PPIL4: variants seen among roughly 807,000 people sequenced by gnomAD.
PPIL4 encodes peptidyl-prolyl cis-trans isomerase-like 4.
In PPIL4, 50 loss-of-function variants were observed where a neutral mutation model predicts 69.1. That is an observed-to-expected ratio of 0.72 (90% CI 0.58 to 0.92). The LOEUF (loss-of-function observed/expected upper bound fraction) is 0.92. PPIL4 is among the 40% of genes least tolerant of loss of function. The pLI, the probability that PPIL4 is intolerant of heterozygous loss-of-function variation, is 0.00. For synonymous variants in PPIL4, 193 were observed against 191.6 expected (o/e 1.01, Z -0.06); for missense variants, 480 against 587.9 (o/e 0.82, Z 1.90).
chr6:149,522,110 T>C (rs1290966455), intron 9 of PPIL4, among the ~76,000 whole-genome samples: 1 of 152,210 alleles, frequency 6.6e-6, no homozygotes, highest in Non-Finnish European at 1.5e-5. Context: ...TAGAACATCA[T>C]ATGGCATGGT....
intron 12 of PPIL4, among the ~76,000 whole-genome samples, chr6:149,505,992 G>C (rs1384825915): frequency 6.6e-6 from 1 of 152,134 alleles, no homozygotes; most frequent in Non-Finnish European, 1.5e-5. Context: ...CATGTCTCTA[G>C]AGCAATCTGC....
In PPIL4 at chr6:149,533,590, T is replaced by C; in HGVS notation, c.562-16A>G. On this transcript the variant is annotated splice_polypyrimidine_tract_variant and intron_variant, in intron 6 of 12. Coordinates refer to ENST00000253329, the MANE Select transcript of PPIL4 (RefSeq NM_139126.4). Reference sequence around the variant, plus strand: ...TTCGACCACTCTGTTAAGACAGAAGTTACTCATGTATATATTTAAAGAATA... The same window carrying C: ...TTCGACCACTCTGTTAAGACAGAAGCTACTCATGTATATATTTAAAGAATA... 7.1e-7 allele frequency: 1 copy of C among 1,399,422 alleles called. No homozygotes were observed. The highest frequency in any genetic ancestry group is 1.0e-6 in the Non-Finnish European group (1 of 990,502). The allele number at this position is 1,399,422 out of a possible 1,614,324, so 86.7% of individuals were successfully genotyped here. A position where few individuals can be genotyped will look rare whatever the true frequency, so the allele number is the denominator to read the frequency against.
chr6:149,538,721 T>C (rs1003274234), intron 4 of PPIL4, among the ~76,000 whole-genome samples: 5 of 152,188 alleles, frequency 3.3e-5, no homozygotes, highest in African/African-American at 1.2e-4. Flanking sequence ...GCAAATGTGG[T>C]GGAAACTGCA....
chr6:149,536,148 TG>T (rs1185484347), intron 4 of PPIL4, among the ~76,000 whole-genome samples: 1 of 152,248 alleles, frequency 6.6e-6, no homozygotes, highest in Non-Finnish European at 1.5e-5. Flanking sequence ...CACCACAAAC[TG>T]TGCCCATATA....
At chr6:149,532,727 T>C (rs1777217545) in intron 7 of PPIL4, among the ~76,000 whole-genome samples, 2 of 152,146 alleles carry the variant, frequency 1.3e-5, no homozygotes, top group African/African-American at 2.4e-5. Context: ...GGCAAGGGCA[T>C]TGCTTAAGCT....
intron 1 of PPIL4, among the ~76,000 whole-genome samples, chr6:149,544,054 T>C (rs980271659): frequency 2.6e-5 from 4 of 152,192 alleles, no homozygotes; most frequent in Non-Finnish European, 5.9e-5. Context: ...GGTGGACTTA[T>C]TGTTATGGGC....
chr6:149,526,936 T>C (rs530365254), intron 7 of PPIL4, among the ~76,000 whole-genome samples, 160 bp from the exon 8 acceptor site: 61 of 152,392 alleles, frequency 4.0e-4, no homozygotes, highest in African/African-American at 1.4e-3. Flanking sequence ...AAATTTGAAC[T>C]ACACTGTTCC....
At chr6:149,515,554 T>C (rs1404669956) in intron 11 of PPIL4, among the ~76,000 whole-genome samples, 4 of 152,244 alleles carry the variant, frequency 2.6e-5, no homozygotes, top group Admixed American at 1.3e-4. Context: ...AATTATTTAA[T>C]GTCTGGTTTT....
intron 4 of PPIL4, among the ~76,000 whole-genome samples, chr6:149,539,247 C>A (rs1777324622): frequency 6.6e-6 from 1 of 152,164 alleles, no homozygotes; most frequent in Non-Finnish European, 1.5e-5. Context: ...TTGGCTGATA[C>A]AGTAGTAGCA....
At chr6:149,509,585 A>C (rs1325502288) in intron 12 of PPIL4, among the ~76,000 whole-genome samples, 1 of 152,246 alleles carries the variant, frequency 6.6e-6, no homozygotes, top group Non-Finnish European at 1.5e-5. Flanking sequence ...AAAGTAATAG[A>C]GTACAGACAT....
intron 9 of PPIL4, among the ~76,000 whole-genome samples, chr6:149,524,641 T>A (rs1378499760): frequency 6.6e-6 from 1 of 152,196 alleles, no homozygotes; most frequent in African/African-American, 2.4e-5. Flanking sequence ...GGCTTATGCC[T>A]ATAATCCCAG....
intron 12 of PPIL4, among the ~76,000 whole-genome samples, chr6:149,508,587 C>T (rs1299854003): frequency 6.6e-6 from 1 of 152,000 alleles, no homozygotes; most frequent in African/African-American, 2.4e-5. Flanking sequence ...TCTTAGTCAC[C>T]AAGATAACAT....
chr6:149,545,951 C>A lies in PPIL4; in HGVS notation c.55G>T (p.Glu19Ter). ...LGDVVIDLYT[E>*]ERPRACLNFL... ...CAAGCCTCACCACGCGGCCGTTCTT[C>A]GGTGTACAAGTCGATGACGACGTCG... is the stretch of plus-strand genomic sequence containing the variant. Residue 19 changes from glutamate (E) to a stop codon, truncating the protein, a stop_gained, in exon 1 of 13, where the codon GAA becomes TAA. Transcript: ENST00000253329. LOFTEE classifies it high-confidence loss of function. 1 of 1,589,852 alleles carries A rather than the reference C, an allele frequency of 6.3e-7. No individual in the cohort carries two copies.
Position 149,533,592 on chromosome 6 carries a change from A to C in PPIL4, c.562-18T>G, listed in dbSNP as rs1457389615. On this transcript the variant is annotated intron_variant, in intron 6 of 12. Transcript: ENST00000253329. ...CGACCACTCTGTTAAGACAGAAGTT[A>C]CTCATGTATATATTTAAAGAATAAA... 7.3e-7 allele frequency: 1 copy of C among 1,365,492 alleles called. No homozygotes were observed. Among genetic ancestry groups the C allele is most frequent in the African/African-American group, 1.4e-5 (1 of 69,494 alleles). The allele number at this position is 1,365,492 out of a possible 1,614,324, so 84.6% of individuals were successfully genotyped here. A position where few individuals can be genotyped will look rare whatever the true frequency, so the allele number is the denominator to read the frequency against.
chr6:149,505,456 T>A lies in PPIL4; in HGVS notation c.1476A>T (p.Arg492Ser), dbSNP rs1443700103. Residue 492 changes from arginine (R) to serine (S), a missense_variant, in exon 13 of 13, where the codon AGA becomes AGT. Arg to Ser is a moderately radical substitution (Grantham distance 110). Coordinates refer to ENST00000253329, the MANE Select transcript of PPIL4 (RefSeq NM_139126.4). ...KSKDKEKSKY[R>S] Reference sequence around the variant, plus strand: ...CTCAATTCTGCCTCTTCATCTTTCATCTATACTTAGATTTTTCTTTATCTT... The same window carrying A: ...CTCAATTCTGCCTCTTCATCTTTCAACTATACTTAGATTTTTCTTTATCTT... The A allele has an allele frequency of 3.1e-6, 5 of 1,611,306 alleles. No homozygotes were observed. The South Asian group carries it at 5.5e-5, about 18-fold the overall frequency.
intron 5 of PPIL4, 81 bp from the exon 6 acceptor site, chr6:149,534,855 T>A: frequency 1.2e-6 from 1 of 828,896 alleles, no homozygotes; most frequent in Non-Finnish European, 1.8e-6. Context: ...TTACAAAAAA[T>A]TACTTGATTA....
At chr6:149,513,412 A>AAAATAT (rs1554215970) in intron 11 of PPIL4, among the ~76,000 whole-genome samples, 3 of 55,328 alleles carry the variant, frequency 5.4e-5, no homozygotes, top group African/African-American at 2.3e-4. Context: ...AAAAAAAAAA[A>AAAATAT]ATATATATAT....
intron 4 of PPIL4, among the ~76,000 whole-genome samples, chr6:149,536,264 A>G (rs550798665): frequency 3.9e-4 from 59 of 152,324 alleles, no homozygotes; most frequent in African/African-American, 1.4e-3. Flanking sequence ...CCGAGACACA[A>G]TACTGAAATG....
intron 7 of PPIL4, among the ~76,000 whole-genome samples, chr6:149,529,746 G>A (rs561699576): frequency 1.5e-5 from 2 of 130,190 alleles, no homozygotes; most frequent in African/African-American, 5.8e-5. Context: ...CTGACGACAA[G>A]AGCGAGACTC....
Sources: gnomAD v4.1 joint callset for allele counts (sites outside exome capture counted in the v4.1 genomes callset) on GRCh38, gnomAD v4.1.1 for gene constraint, MANE v1.5 for transcripts, NCBI Gene and HGNC (gene_info 2026-07-23, HGNC 2026-07-21) for gene names.